ALDH3B1: variants seen among roughly 807,000 people sequenced by gnomAD.
The protein encoded by ALDH3B1 is aldehyde dehydrogenase family 3 member B1.
In ALDH3B1, 37 loss-of-function variants were observed where a neutral mutation model predicts 46.2. The ratio of observed to expected loss-of-function variants is 0.80; its 90% confidence interval spans 0.62 to 1.05. The LOEUF is 1.05. ALDH3B1 is among the 50% of genes least tolerant of loss of function. The probability of loss-of-function intolerance (pLI) is 0.00; values close to 1 mark genes in which losing one functional copy is unlikely to be tolerated. For synonymous variants in ALDH3B1, 283 were observed against 281.0 expected (o/e 1.01, Z -0.07); for missense variants, 603 against 665.5 (o/e 0.91, Z 1.03).
In ALDH3B1 at chr11:68,021,816, G is replaced by A. The variant is rs781343050; in HGVS notation, c.894G>A (p.Leu298=). Residue 298 remains leucine, a synonymous_variant, in exon 7 of 10, where the codon CTG becomes CTA. Coordinates refer to ENST00000342456, the MANE Select transcript of ALDH3B1 (RefSeq NM_000694.4). ...QKQFQRLRAL[L]GCGRVAIGGQ... The stretch of plus-strand genomic sequence containing the variant: ...AGTTCCAGCGGCTGCGGGCATTGCT[G>A]GGCTGCGGCCGTGTGGCCATTGGGG... The A allele has an allele frequency of 1.1e-5, 17 of 1,614,094 alleles. No homozygotes were observed. The highest frequency in any genetic ancestry group is 1.2e-5 in the Non-Finnish European group (14 of 1,179,980).
At chr11:68,019,885 AGACT>A in intron 6 of ALDH3B1, 89 bp downstream of exon 6, 3 of 1,372,008 alleles carry the variant, frequency 2.2e-6, no homozygotes, top group Non-Finnish European at 2.1e-6. Flanking sequence ...GTCCACAGGG[AGACT>A]GAATTCTCCT....
At chr11:68,010,772 C>T (rs1488664217) in intron 1 of ALDH3B1, among the ~76,000 whole-genome samples, 1 of 152,230 alleles carries the variant, frequency 6.6e-6, no homozygotes, top group Non-Finnish European at 1.5e-5. Context: ...TCAAGTATCC[C>T]TTCCAGCAAC....
At chr11:68,021,950 T>C (rs1332311568) in intron 7 of ALDH3B1, 79 bp downstream of exon 7, 1 of 1,516,312 alleles carries the variant, frequency 6.6e-7, no homozygotes, top group Non-Finnish European at 8.8e-7. Flanking sequence ...GGGCCACAAC[T>C]CTGGACCCGC....
chr11:68,027,988 C>A lies in ALDH3B1; in HGVS notation c.*49C>A, dbSNP rs781479683. Reference sequence around the variant, plus strand: ...AGACCACCATGACAGCTGTCGCCTGCGGCTGGTGGAGACGGGGCCTGGGCT... The same window carrying A: ...AGACCACCATGACAGCTGTCGCCTGAGGCTGGTGGAGACGGGGCCTGGGCT... On this transcript the variant is annotated 3_prime_UTR_variant, in exon 10 of 10. Transcript: ENST00000342456. 1 of 1,559,326 alleles carries A rather than the reference C, an allele frequency of 6.4e-7. No homozygotes were observed. Among genetic ancestry groups the A allele is most frequent in the Non-Finnish European group, 8.6e-7 (1 of 1,159,920 alleles).
chr11:68,015,339 C>G lies in ALDH3B1; in HGVS notation c.42C>G (p.Ala14=). Residue 14 remains alanine, a synonymous_variant, in exon 2 of 10, where the codon GCC becomes GCG. Transcript: ENST00000342456. Reference sequence around the variant, plus strand: ...ACACGCTGCGGCGACTGCGGGAGGCCTTCCACGCGGGGCGCACGCGGCCAG... The same window carrying G: ...ACACGCTGCGGCGACTGCGGGAGGCGTTCCACGCGGGGCGCACGCGGCCAG... ...LGDTLRRLRE[A]FHAGRTRPAE... The G allele has an allele frequency of 1.3e-6, 2 of 1,531,462 alleles. No individual in the cohort carries two copies. The highest frequency in any genetic ancestry group is 2.5e-5 in the South Asian group (2 of 81,604). 94.9% of individuals were successfully genotyped at this position (1,531,462 alleles called of 1,614,324 possible).
Position 68,018,777 on chromosome 11 carries a change from C to A in ALDH3B1, c.278C>A (p.Thr93Lys). Residue 93 changes from threonine (T) to lysine (K), a missense_variant, in exon 4 of 10, where the codon ACG (threonine) becomes AAG (lysine). Physicochemically the swap from Thr to Lys is moderately conservative, Grantham distance 78. Transcript: ENST00000342456. Reference protein sequence around the residue: ...KDERVPKNLATQLDSAFIRKE... With the variant: ...KDERVPKNLAKQLDSAFIRKE... ...CATCCCCGGCTCCCGGCCCAGGCCA[C>A]GCAGCTGGACTCCGCCTTCATCCGG... 6.4e-7 allele frequency: 1 copy of A among 1,553,176 alleles called. No individual in the cohort carries two copies. Among genetic ancestry groups the A allele is most frequent in the Non-Finnish European group, 8.7e-7 (1 of 1,148,248 alleles).
intron 1 of ALDH3B1, among the ~76,000 whole-genome samples, chr11:68,011,082 A>C (rs1043679577): frequency 6.6e-6 from 1 of 152,230 alleles, no homozygotes; most frequent in Non-Finnish European, 1.5e-5. Flanking sequence ...GGGAGGCCTC[A>C]TGAAAATCCA....
Position 68,027,810 on chromosome 11 carries a change from C to T in ALDH3B1, c.1278C>T (p.Arg426=), listed in dbSNP as rs1414469986. 2.6e-6 allele frequency: 4 copies of T among 1,558,770 alleles called. No individual in the cohort carries two copies. Among genetic ancestry groups the T allele is most frequent in the African/African-American group, 1.4e-5 (1 of 74,016 alleles). The part of the protein sequence containing the change: ...KFSFDTFSHH[R]ACLLRSPGME... ...CCTTCGACACCTTCTCCCACCATCG[C>T]GCCTGCCTCCTGCGCAGCCCGGGGA... Residue 426 remains arginine, a synonymous_variant, in exon 10 of 10, where the codon CGC becomes CGT. Transcript: ENST00000342456.
rs566059711 is a variant in ALDH3B1, at chr11:68,014,152, G to C, written c.-1-1145G>C. 8.5e-5 allele frequency among the ~76,000 whole-genome samples: 13 copies of C among 152,348 alleles called. No individual in the cohort carries two copies. The East Asian group carries it at 2.3e-3, about 27-fold the overall frequency. On this transcript the variant is annotated intron_variant, in intron 1 of 9. Transcript: ENST00000342456. The stretch of plus-strand genomic sequence containing the variant: ...GTAACATGAGAGGCTTCAAGCACTA[G>C]GTCTCAAATAAGTAGGCACAGAGGG...
At position 68,018,802 on chromosome 11, in the gene ALDH3B1, G is replaced by A. The variant is rs1490713094; in HGVS notation, c.303G>A (p.Arg101=). 1 of 1,559,804 alleles carries A rather than the reference G, an allele frequency of 6.4e-7. No individual in the cohort carries two copies. Residue 101 remains arginine (R), a synonymous_variant, in exon 4 of 10, where the codon CGG becomes CGA. Transcript: ENST00000342456. ...CGCAGCTGGACTCCGCCTTCATCCG[G>A]AAGGAGCCCTTTGGCCTGGTCCTCA... ...LATQLDSAFI[R]KEPFGLVLII...
chr11:68,012,813 T>G (rs184685769), intron 1 of ALDH3B1, among the ~76,000 whole-genome samples: 2 of 151,958 alleles, frequency 1.3e-5, no homozygotes, highest in Admixed American at 1.3e-4. Context: ...GGAGCTGAGG[T>G]GGATAGCCTT....
At chr11:68,021,990 C>T (rs1485458042) in intron 7 of ALDH3B1, 119 bp downstream of exon 7, 21 of 1,474,780 alleles carry the variant, frequency 1.4e-5, no homozygotes, top group South Asian at 8.3e-5. Context: ...TGCCAGAGCC[C>T]GGCCTTGAGC....
At chr11:68,021,003 G>A (rs998755104) in intron 6 of ALDH3B1, among the ~76,000 whole-genome samples, 1 of 152,122 alleles carries the variant, frequency 6.6e-6, no homozygotes, top group Non-Finnish European at 1.5e-5. Context: ...CACCTCAAGG[G>A]TCAGAAAAAA....
intron 2 of ALDH3B1, chr11:68,018,308 G>A (rs749700620): frequency 7.2e-5 from 41 of 567,090 alleles, no homozygotes; most frequent in African/African-American, 6.4e-4. Context: ...CACATGGAAC[G>A]ACTGCCCCCT....
chr11:68,026,501 C>T (rs1266837003), intron 9 of ALDH3B1, among the ~76,000 whole-genome samples: 1 of 152,124 alleles, frequency 6.6e-6, no homozygotes, highest in Non-Finnish European at 1.5e-5. Flanking sequence ...AGGGCAGCTG[C>T]TCCTCTAACC....
intron 2 of ALDH3B1, chr11:68,016,059 C>T (rs11228121): frequency 5.8e-6 from 1 of 172,758 alleles, no homozygotes; most frequent in Non-Finnish European, 1.2e-5. Flanking sequence ...CAGTGAGACT[C>T]CATCTCAAAA....
chr11:68,012,214 G>A (rs557155961), intron 1 of ALDH3B1, among the ~76,000 whole-genome samples: 4 of 152,284 alleles, frequency 2.6e-5, no homozygotes, highest in South Asian at 4.1e-4. Context: ...TGGGGGCAGC[G>A]GCTCGGCCAG....
At position 68,010,334 on chromosome 11, in the gene ALDH3B1, G is replaced by C. The variant is rs974591244; in HGVS notation, c.-60G>C. 3 of 152,560 alleles carry C rather than the reference G, an allele frequency of 2.0e-5. No individual in the cohort carries two copies. The highest frequency in any genetic ancestry group is 4.4e-5 in the Non-Finnish European group (3 of 68,300). The allele number at this position is 152,560 out of a possible 1,614,324, so 9.5% of individuals were successfully genotyped here. On this transcript the variant is annotated 5_prime_UTR_variant, in exon 1 of 10. Coordinates refer to ENST00000342456, the MANE Select transcript of ALDH3B1 (RefSeq NM_000694.4). ...GCCCTGCGTTGGACATTTCTTAACA[G>C]CAGGGCCACCAGGCAGAGCGGGACA...
chr11:68,008,870 CCCTG>C (rs1376230047), upstream of ALDH3B1, among the ~76,000 whole-genome samples: 1 of 152,182 alleles, frequency 6.6e-6, no homozygotes, highest in Non-Finnish European at 1.5e-5. Context: ...TCACCCTGTC[CCCTG>C]CCTGTCCACA....
Sources: gnomAD v4.1 joint callset for allele counts (sites outside exome capture counted in the v4.1 genomes callset) on GRCh38, gnomAD v4.1.1 for gene constraint, MANE v1.5 for transcripts, NCBI Gene and HGNC (gene_info 2026-07-23, HGNC 2026-07-21) for gene names.